The following NRG3 variants were observed in gnomAD, a reference collection of about 807,000 sequenced individuals.
The protein encoded by NRG3 is pro-neuregulin-3, membrane-bound isoform.
NRG3 carries 31 observed loss-of-function variants against 66.9 expected under a neutral mutation model. The observed-to-expected ratio is 0.46, with a 90% CI of 0.35 to 0.63. The LOEUF (loss-of-function observed/expected upper bound fraction) is 0.63, where lower values mean the gene tolerates loss of function less well. Ranked by LOEUF, NRG3 falls within the 20% of genes least tolerant of loss-of-function variation. NRG3 has a pLI of 0.00. For synonymous variants in NRG3, 393 were observed against 359.4 expected (o/e 1.09, Z -1.06); for missense variants, 910 against 878.9 (o/e 1.04, Z -0.45).
At chr10:81,933,200 A>G (rs1458079844) in intron 1 of NRG3, among the ~76,000 whole-genome samples, 1 of 152,124 alleles carries the variant, frequency 6.6e-6, no homozygotes, top group African/African-American at 2.4e-5. Context: ...CAAGCCTCTA[A>G]GAAGGGTGGA....
intron 6 of NRG3, among the ~76,000 whole-genome samples, chr10:82,966,804 C>G (rs1250445206): frequency 6.6e-6 from 1 of 152,134 alleles, no homozygotes. Context: ...GATTTGTAAT[C>G]TAAGTAGTAA....
At chr10:82,266,800 T>A (rs1308779907) in intron 1 of NRG3, among the ~76,000 whole-genome samples, 4 of 152,208 alleles carry the variant, frequency 2.6e-5, no homozygotes, top group African/African-American at 9.6e-5. Context: ...AACTGCCTCA[T>A]TTCCCAGCAG....
intron 2 of NRG3, among the ~76,000 whole-genome samples, chr10:82,686,814 T>G (rs2054551043): frequency 6.6e-6 from 1 of 152,302 alleles, no homozygotes; most frequent in South Asian, 2.1e-4. Flanking sequence ...TCAACCTGGT[T>G]TGACAAAAAT....
intron 2 of NRG3, among the ~76,000 whole-genome samples, chr10:82,497,632 C>A (rs1045453195): frequency 6.6e-6 from 1 of 151,944 alleles, no homozygotes; most frequent in Non-Finnish European, 1.5e-5. Flanking sequence ...ACTTTCATGA[C>A]TCATTCATCC....
chr10:82,718,744 A>G (rs916675881), intron 2 of NRG3, among the ~76,000 whole-genome samples: 3 of 152,238 alleles, frequency 2.0e-5, no homozygotes, highest in African/African-American at 7.2e-5. Flanking sequence ...GTTTCTACAT[A>G]AAATGATGTA....
intron 1 of NRG3, among the ~76,000 whole-genome samples, chr10:82,197,415 T>G (rs1196137958): frequency 6.6e-6 from 1 of 152,026 alleles, no homozygotes; most frequent in African/African-American, 2.4e-5. Flanking sequence ...GGCACACAAC[T>G]CTCCCAAACA....
intron 1 of NRG3, among the ~76,000 whole-genome samples, chr10:82,331,970 A>C (rs965401737): frequency 2.0e-5 from 3 of 152,176 alleles, no homozygotes; most frequent in African/African-American, 4.8e-5. Flanking sequence ...GCTGGCAGTG[A>C]TCCAGTGACT....
intron 2 of NRG3, among the ~76,000 whole-genome samples, chr10:82,531,999 T>C (rs1847316223): frequency 6.6e-6 from 1 of 151,864 alleles, no homozygotes; most frequent in Non-Finnish European, 1.5e-5. Context: ...AATTTGATTA[T>C]TCTTTTTTTA....
intron 1 of NRG3, among the ~76,000 whole-genome samples, chr10:82,262,014 C>A (rs2078056604): frequency 6.6e-6 from 1 of 152,136 alleles, no homozygotes; most frequent in African/African-American, 2.4e-5. Context: ...TGCACCTGCT[C>A]CCCCTTTGCC....
At chr10:82,725,438 T>A (rs1018001258) in intron 2 of NRG3, among the ~76,000 whole-genome samples, 5 of 152,208 alleles carry the variant, frequency 3.3e-5, no homozygotes, top group Non-Finnish European at 7.3e-5. Context: ...GCTCACTATA[T>A]CCCTTGTGTG....
chr10:82,351,885 C>T (rs1446410973), intron 1 of NRG3, among the ~76,000 whole-genome samples: 2 of 152,194 alleles, frequency 1.3e-5, no homozygotes, highest in Non-Finnish European at 2.9e-5. Flanking sequence ...AATGGCAAGC[C>T]CTACTACCGT....
intron 2 of NRG3, among the ~76,000 whole-genome samples, chr10:82,649,397 A>G (rs902596967): frequency 5.3e-5 from 8 of 151,128 alleles, no homozygotes; most frequent in Non-Finnish European, 1.0e-4. Context: ...TAAGCCTATC[A>G]CAAGCTTTTG....
chr10:82,848,138 G>A lies in NRG3; in HGVS notation c.1028-17273G>A, dbSNP rs889085254. ...TTCATTGAGTCACTAAAAAATATTT[G>A]TTGAGCACCTACTTTATATCTGACA... On this transcript the variant is annotated intron_variant, in intron 3 of 8. Coordinates refer to ENST00000372141, the MANE Select transcript of NRG3 (RefSeq NM_001010848.4). Among the ~76,000 whole-genome samples, 4 of 152,172 alleles carry A rather than the reference G, an allele frequency of 2.6e-5. No homozygotes were observed. The East Asian group carries it at 7.7e-4, about 29-fold the overall frequency.
intron 2 of NRG3, among the ~76,000 whole-genome samples, chr10:82,391,563 A>G (rs931553854): frequency 6.6e-6 from 1 of 152,088 alleles, no homozygotes; most frequent in African/African-American, 2.4e-5. Context: ...TTTTCCACAT[A>G]AAATAAAAGC....
intron 1 of NRG3, among the ~76,000 whole-genome samples, chr10:82,135,706 G>A (rs376486799): frequency 3.1e-4 from 47 of 152,006 alleles, no homozygotes; most frequent in Non-Finnish European, 4.3e-4. Flanking sequence ...CAATCTTTTC[G>A]TTAAATTTAT....
intron 2 of NRG3, among the ~76,000 whole-genome samples, chr10:82,627,481 T>C (rs941236963): frequency 6.6e-6 from 1 of 152,016 alleles, no homozygotes; most frequent in African/African-American, 2.4e-5. Context: ...AAAAAATAAA[T>C]AAAACAATAA....
chr10:82,636,774 G>T lies in NRG3; in HGVS notation c.954-101803G>T, dbSNP rs141654822. On this transcript the variant is annotated intron_variant, in intron 2 of 8. Transcript: ENST00000372141. ...TGAGTATATACCCAGAAGAGGAATTGCTGGGTCATATGGTAACTCTGTTTT... is the reference window on the plus strand; with the variant it reads ...TGAGTATATACCCAGAAGAGGAATTTCTGGGTCATATGGTAACTCTGTTTT... Among the ~76,000 whole-genome samples the T allele has an allele frequency of 1.1e-3, 162 of 151,816 alleles. 2 individuals carry two copies. Among genetic ancestry groups the T allele is most frequent in the African/African-American group, 3.7e-3 (154 of 41,426 alleles).
chr10:82,629,105 C>A lies in NRG3; in HGVS notation c.954-109472C>A, dbSNP rs866334669. On this transcript the variant is annotated intron_variant, in intron 2 of 8. Transcript: ENST00000372141. ...AACTACTGAAAGATAAATCAGTTAG[C>A]ATGCATACTAACATTAGGGAGGAGC... 4.6e-5 allele frequency among the ~76,000 whole-genome samples: 7 copies of A among 152,248 alleles called. No homozygotes were observed. The South Asian group carries it at 1.0e-3, about 23-fold the overall frequency.
intron 2 of NRG3, among the ~76,000 whole-genome samples, chr10:82,662,779 A>G (rs1168446781): frequency 6.6e-6 from 1 of 152,126 alleles, no homozygotes. Flanking sequence ...TCCCTCAAAT[A>G]ATTAGAACCT....
Sources: gnomAD v4.1 joint callset for allele counts (sites outside exome capture counted in the v4.1 genomes callset) on GRCh38, gnomAD v4.1.1 for gene constraint, MANE v1.5 for transcripts, NCBI Gene and HGNC (gene_info 2026-07-23, HGNC 2026-07-21) for gene names.